The following SBNO1 variants were observed in gnomAD, a reference collection of about 807,000 sequenced individuals.
SBNO1 encodes strawberry notch homolog 1, also known as protein strawberry notch homolog 1.
In SBNO1, 23 loss-of-function variants were observed where a neutral mutation model predicts 173.6. The observed-to-expected ratio is 0.13, with a 90% confidence interval of 0.10 to 0.19. The LOEUF (loss-of-function observed/expected upper bound fraction) is 0.19. Among genes scored for constraint, SBNO1 ranks in the 10% least tolerant of loss-of-function variants. The pLI is 1.00. For missense variants in SBNO1, 1,238 were observed against 1,671.2 expected (o/e 0.74, Z 4.52); for synonymous variants, 632 against 571.5 (o/e 1.11, Z -1.51).
intron 1 of SBNO1, among the ~76,000 whole-genome samples, chr12:123,359,720 A>G (rs968997573): frequency 6.6e-6 from 1 of 152,126 alleles, no homozygotes; most frequent in Non-Finnish European, 1.5e-5. Context: ...GTTTCATACC[A>G]TATCTTATTC....
intron 31 of SBNO1, among the ~76,000 whole-genome samples, chr12:123,296,343 T>C (rs2048593763): frequency 8.2e-6 from 1 of 121,810 alleles, no homozygotes. Context: ...GTTAAGAATA[T>C]CTATTATTCT....
In SBNO1 at chr12:123,292,620, T is replaced by C. The variant is rs2048528017; in HGVS notation, c.*3288A>G. 6.6e-6 allele frequency: 1 copy of C among 152,122 alleles called. No individual in the cohort carries two copies. The highest frequency in any genetic ancestry group is 1.5e-5 in the Non-Finnish European group (1 of 68,022). The allele number at this position is 152,122 out of a possible 1,614,324, so 9.4% of individuals were successfully genotyped here. ...ATCATATTCCTCTGGAGCTTGGTAA[T>C]ATAGAAATTTTACCTCTACAGATGA... On this transcript the variant is annotated 3_prime_UTR_variant, in exon 32 of 32. Coordinates refer to ENST00000602398, the MANE Select transcript of SBNO1 (RefSeq NM_001167856.3).
chr12:123,322,499 T>C (rs1404089550), intron 16 of SBNO1, among the ~76,000 whole-genome samples: 1 of 152,068 alleles, frequency 6.6e-6, no homozygotes, highest in Non-Finnish European at 1.5e-5. Flanking sequence ...GGTTTCGCCA[T>C]GTTGGCCAGG....
chr12:123,336,329 CAAAA>C, intron 6 of SBNO1, 62 bp downstream of exon 6: 1 of 1,057,174 alleles, frequency 9.5e-7, no homozygotes, highest in Non-Finnish European at 1.4e-6. Flanking sequence ...AAAAACAAAA[CAAAA>C]AGAACCAAAG....
At position 123,330,415 on chromosome 12, in the gene SBNO1, A is replaced by T. The variant is rs1160964146; in HGVS notation, c.1134+4T>A. On this transcript the variant is annotated splice_donor_region_variant and intron_variant, in intron 9 of 31. Coordinates refer to ENST00000602398, the MANE Select transcript of SBNO1 (RefSeq NM_001167856.3). ...ATGACCAACTGAATAAAAAGATTTC[A>T]TACCTTATTTAACGAATGAACCAAA... The T allele has an allele frequency of 6.7e-7, 1 of 1,482,062 alleles. No homozygotes were observed. Among genetic ancestry groups the T allele is most frequent in the Non-Finnish European group, 9.4e-7 (1 of 1,067,294 alleles). The allele number at this position is 1,482,062 out of a possible 1,614,324, so 91.8% of individuals were successfully genotyped here.
chr12:123,330,075 A>G (rs1184933784), intron 9 of SBNO1, among the ~76,000 whole-genome samples: 1 of 152,222 alleles, frequency 6.6e-6, no homozygotes, highest in Non-Finnish European at 1.5e-5. Flanking sequence ...CCACCTGTCT[A>G]AACTGCACCC....
At chr12:123,306,973 A>T (rs1941415120) in intron 28 of SBNO1, among the ~76,000 whole-genome samples, 1 of 143,748 alleles carries the variant, frequency 7.0e-6, no homozygotes, top group African/African-American at 2.5e-5. Context: ...ATTTAAGCCT[A>T]GGAGTTTGAG....
At position 123,311,090 on chromosome 12, in the gene SBNO1, A is replaced by C. The variant is rs773937558; in HGVS notation, c.3260T>G (p.Val1087Gly). Residue 1087 changes from valine to glycine, a missense_variant, in exon 25 of 32, where the codon GTA (valine) becomes GGA (glycine). By Grantham distance (109) the Val-to-Gly change is moderately radical (BLOSUM62 -3). Around this residue, in one of 14 missense-constraint regions of SBNO1, gnomAD observed 351 missense variants for 420.3 expected, o/e 0.84. Coordinates refer to ENST00000602398, the MANE Select transcript of SBNO1 (RefSeq NM_001167856.3). ...AGTAAGAATTCCCGAGCGATCTTCT[A>C]CATTTATCAGGCCAACGCCTATCAG... ...QGLIGVGLIN[V>G]EDRSGILTLD... 1.2e-6 allele frequency: 2 copies of C among 1,613,608 alleles called. No individual in the cohort carries two copies. Among genetic ancestry groups the C allele is most frequent in the Non-Finnish European group, 8.5e-7 (1 of 1,179,678 alleles).
At chr12:123,362,761 T>G (rs776311456) in intron 1 of SBNO1, among the ~76,000 whole-genome samples, 2 of 67,784 alleles carry the variant, frequency 3.0e-5, no homozygotes, top group Non-Finnish European at 5.1e-5. Flanking sequence ...ACAGCAAGAC[T>G]CCGCCTCAAA....
chr12:123,357,269 T>C (rs9669273), intron 1 of SBNO1, among the ~76,000 whole-genome samples: 135,220 of 151,932 alleles, frequency 0.89, 60,287 homozygotes, highest in Middle Eastern at 0.94. Flanking sequence ...CTGGTCAACA[T>C]AGTGAAACAC....
intron 24 of SBNO1, among the ~76,000 whole-genome samples, chr12:123,311,689 AACCT>A (rs200566566): frequency 0.023 from 2,415 of 106,220 alleles, 31 homozygotes; most frequent in South Asian, 0.045. Flanking sequence ...ATAAACAAGT[AACCT>A]ATCTATCTAT....
rs1162899992 is a variant in SBNO1, at chr12:123,291,193, A to C, written c.*4715T>G. 1 of 152,220 alleles carries C rather than the reference A, an allele frequency of 6.6e-6. No homozygotes were observed. Among genetic ancestry groups the C allele is most frequent in the Non-Finnish European group, 1.5e-5 (1 of 68,038 alleles). 9.4% of individuals were successfully genotyped at this position (152,220 alleles called of 1,614,324 possible). On this transcript the variant is annotated 3_prime_UTR_variant, in exon 32 of 32. Coordinates refer to ENST00000602398, the MANE Select transcript of SBNO1 (RefSeq NM_001167856.3). ...CTCATCATTTGTAGGTTAAAAGCAT[A>C]GGCCCGACTTCTTAAATAAACATAG...
At chr12:123,363,869 A>T in intron 1 of SBNO1, 1 of 985,654 alleles carries the variant, frequency 1.0e-6, no homozygotes, top group Non-Finnish European at 1.2e-6. Flanking sequence ...TGCCAGGGTC[A>T]GGAAAGAAAC....
At chr12:123,336,323 A>C (rs995999084) in intron 6 of SBNO1, 72 bp downstream of exon 6, 3 of 1,008,302 alleles carry the variant, frequency 3.0e-6, no homozygotes, top group Non-Finnish European at 4.5e-6. Flanking sequence ...ATGGAAAAAA[A>C]CAAAACAAAA....
rs965488402 is a variant in SBNO1, at chr12:123,293,714, G to A, written c.*2194C>T. 6.6e-6 allele frequency: 1 copy of A among 152,204 alleles called. No individual in the cohort carries two copies. Among genetic ancestry groups the A allele is most frequent in the Non-Finnish European group, 1.5e-5 (1 of 68,048 alleles). The allele number at this position is 152,204 out of a possible 1,614,324, so 9.4% of individuals were successfully genotyped here. A position where few individuals can be genotyped will look rare whatever the true frequency, so the allele number is the denominator to read the frequency against. ...AAACATTACATCATAGGCCATGGGG[G>A]TTGTCACTTAGCTGCATGCTAAGAA... On this transcript the variant is annotated 3_prime_UTR_variant, in exon 32 of 32. Transcript: ENST00000602398.
intron 1 of SBNO1, among the ~76,000 whole-genome samples, chr12:123,362,011 C>T (rs1387897723): frequency 2.0e-5 from 3 of 151,232 alleles, no homozygotes; most frequent in Non-Finnish European, 2.9e-5. Flanking sequence ...TGGTGGCACG[C>T]GCCTGTAGTC....
At chr12:123,342,182 G>A (rs1002597384) in intron 4 of SBNO1, among the ~76,000 whole-genome samples, 7 of 151,858 alleles carry the variant, frequency 4.6e-5, no homozygotes, top group Non-Finnish European at 8.8e-5. Flanking sequence ...CCCGGGAGGC[G>A]GAGGCTGCAG....
chr12:123,301,628 G>A (rs966311306), intron 30 of SBNO1, among the ~76,000 whole-genome samples: 1 of 152,076 alleles, frequency 6.6e-6, no homozygotes, highest in African/African-American at 2.4e-5. Context: ...GGGGTGAGGG[G>A]GCACAGCAGG....
intron 5 of SBNO1, among the ~76,000 whole-genome samples, chr12:123,338,188 C>G (rs142700291): frequency 6.6e-6 from 1 of 152,136 alleles, no homozygotes; most frequent in Admixed American, 6.5e-5. Context: ...TCAAAATAAC[C>G]GGGAAATCAG....
Sources: allele counts gnomAD v4.1 joint callset (sites outside exome capture counted in the v4.1 genomes callset), GRCh38; gene constraint gnomAD v4.1.1; regional missense constraint gnomAD v4.1.1; transcripts MANE v1.5; gene names NCBI Gene and HGNC (gene_info 2026-07-23, HGNC 2026-07-21).